JADE2: variants seen among roughly 807,000 people sequenced by gnomAD.
The protein encoded by JADE2 is jade family PHD finger 2, also known as E3 ubiquitin-protein ligase Jade-2.
A neutral mutation model predicts 85.7 loss-of-function variants in JADE2; 13 were observed. That is an observed-to-expected ratio of 0.15 (90% CI 0.10 to 0.24). The LOEUF is 0.24. JADE2 is among the 10% of genes least tolerant of loss of function. JADE2 has a pLI of 1.00. For synonymous variants in JADE2, 440 were observed against 456.1 expected, an observed-to-expected ratio of 0.96 and a Z score of 0.45; for missense variants, 846 against 1,115.9, an observed-to-expected ratio of 0.76 and a Z score of 3.45.
intron 9 of JADE2, among the ~76,000 whole-genome samples, chr5:134,573,263 G>C (rs1264493099): frequency 6.6e-6 from 1 of 152,238 alleles, no homozygotes; most frequent in Non-Finnish European, 1.5e-5. Context: ...TGCGGGCACT[G>C]TGGTTATAAA....
At chr5:134,535,127 C>T (rs1172112147) in intron 1 of JADE2, among the ~76,000 whole-genome samples, 1 of 152,168 alleles carries the variant, frequency 6.6e-6, no homozygotes, top group African/African-American at 2.4e-5. Flanking sequence ...AGGAAGACTC[C>T]GCGTGAGCTC....
intron 2 of JADE2, chr5:134,536,759 C>T (rs1761613427): frequency 6.6e-6 from 1 of 152,558 alleles, no homozygotes. Context: ...TGCTGGAGGC[C>T]CAGGCTAAGG....
In JADE2 at chr5:134,526,344, G is replaced by C. The variant is rs922994823; in HGVS notation, c.-1+333G>C. 38 of 985,184 alleles carry C rather than the reference G, an allele frequency of 3.9e-5. No individual in the cohort carries two copies. The African/African-American group carries it at 5.4e-4, about 14-fold the overall frequency. 61.0% of individuals were successfully genotyped at this position (985,184 alleles called of 1,614,324 possible). ...CGGCAAAGCGCCCCCGGGCCGGCGAGGGGGCGCGGGCGGGCGGGGGCGCGC... is the reference window on the plus strand; with the variant it reads ...CGGCAAAGCGCCCCCGGGCCGGCGACGGGGCGCGGGCGGGCGGGGGCGCGC... On this transcript the variant is annotated intron_variant, in intron 1 of 11. Coordinates refer to ENST00000681547, the MANE Select transcript of JADE2 (RefSeq NM_001388185.1).
chr5:134,537,069 T>C (rs1761636777), intron 2 of JADE2, among the ~76,000 whole-genome samples: 1 of 152,234 alleles, frequency 6.6e-6, no homozygotes, highest in African/African-American at 2.4e-5. Context: ...ATCTGGCCTT[T>C]TGTGGCTACA....
At position 134,582,609 on chromosome 5, in the gene JADE2, C is replaced by G. The variant is rs568100133; in HGVS notation, c.*3292C>G. ...TAGCAAGGCCCTTGGGGAGGGCACT[C>G]TCCCATGCCCTTGGCCTCGCTGGCC... is the stretch of plus-strand genomic sequence containing the variant. On this transcript the variant is annotated 3_prime_UTR_variant, in exon 12 of 12. Transcript: ENST00000681547. 6.5e-6 allele frequency: 1 copy of G among 152,768 alleles called. No individual in the cohort carries two copies. The highest frequency in any genetic ancestry group is 1.9e-4 in the East Asian group (1 of 5,188). The allele number at this position is 152,768 out of a possible 1,614,324, so 9.5% of individuals were successfully genotyped here. A position where few individuals can be genotyped will look rare whatever the true frequency, so the allele number is the denominator to read the frequency against.
In JADE2 at chr5:134,525,950, C is replaced by A; in HGVS notation, c.-62C>A. 1.0e-6 allele frequency: 1 copy of A among 986,108 alleles called. No homozygotes were observed. The highest frequency in any genetic ancestry group is 4.7e-5 in the South Asian group (1 of 21,306). The allele number at this position is 986,108 out of a possible 1,614,324, so 61.1% of individuals were successfully genotyped here. ...CGGCTTCGGGAGCATCCTTCCCGCG[C>A]CGGTCCCTGCAGCGGCGCGTAGCCG... On this transcript the variant is annotated 5_prime_UTR_variant, in exon 1 of 12. Transcript: ENST00000681547.
At chr5:134,577,036 C>T in intron 11 of JADE2, 140 bp downstream of exon 11, 1 of 918,128 alleles carries the variant, frequency 1.1e-6, no homozygotes, top group Non-Finnish European at 1.6e-6. Context: ...CTTGCTTGCC[C>T]AGGTGCACAC....
At chr5:134,554,160 A>G (rs888042781) in intron 4 of JADE2, among the ~76,000 whole-genome samples, 2 of 152,128 alleles carry the variant, frequency 1.3e-5, no homozygotes, top group African/African-American at 4.8e-5. Context: ...ATCTGATTGG[A>G]TCATAGGCAC....
Position 134,578,536 on chromosome 5 carries a change from A to G in JADE2, c.1724A>G (p.Asn575Ser), listed in dbSNP as rs1349073484. The change falls in exon 12 of 12, where the codon AAC (asparagine) becomes AGC (serine). Residue 575 changes from asparagine (N) to serine (S), a missense_variant. This residue lies in a region of JADE2 where 119 missense variants were observed against 163.9 expected (regional missense o/e 0.73). Coordinates refer to ENST00000681547, the MANE Select transcript of JADE2 (RefSeq NM_001388185.1). This position sits in a 1 kb window ranked among gnomAD's most constrained non-coding sequence, Gnocchi z 4.4. ...TTCCCCATCGATGGCACCTTCTTCA[A>G]CAGCTGGCTGGCACAGTCGGTGCAG... is the stretch of plus-strand genomic sequence containing the variant. The part of the protein sequence containing the change: ...TSFPIDGTFF[N>S]SWLAQSVQIT... The G allele has an allele frequency of 3.1e-6, 5 of 1,602,460 alleles. No individual in the cohort carries two copies. Among genetic ancestry groups the G allele is most frequent in the African/African-American group, 1.3e-5 (1 of 74,812 alleles).
Position 134,566,038 on chromosome 5 carries a change from C to A in JADE2, c.970-78C>A. On this transcript the variant is annotated intron_variant, in intron 8 of 11. Transcript: ENST00000681547. The surrounding 1 kb of genome is among the most constrained non-coding windows in gnomAD (Gnocchi z 6.7). ...CAGCATTGCGCATTCTCAGTAGAGC[C>A]CTGGGGGAAGCCCCTCTGTCTTCTC... 7.9e-7 allele frequency: 1 copy of A among 1,260,960 alleles called. No individual in the cohort carries two copies. The highest frequency in any genetic ancestry group is 1.1e-6 in the Non-Finnish European group (1 of 883,416). 78.1% of individuals were successfully genotyped at this position (1,260,960 alleles called of 1,614,324 possible). A position where few individuals can be genotyped will look rare whatever the true frequency, so the allele number is the denominator to read the frequency against.
intron 3 of JADE2, among the ~76,000 whole-genome samples, chr5:134,545,296 G>T (rs2149909048): frequency 6.6e-6 from 1 of 152,312 alleles, no homozygotes; most frequent in East Asian, 1.9e-4. Flanking sequence ...CAGCTGGAAG[G>T]GCCTCCTGGC....
chr5:134,533,554 A>C, intron 1 of JADE2: 1 of 985,208 alleles, frequency 1.0e-6, no homozygotes, highest in East Asian at 1.1e-4. Flanking sequence ...AAATGAAGAG[A>C]AATGGAATTC....
At chr5:134,549,245 C>T (rs188267156) in intron 3 of JADE2, among the ~76,000 whole-genome samples, 78 of 152,190 alleles carry the variant, frequency 5.1e-4, no homozygotes, top group African/African-American at 1.7e-3. Context: ...AGCCCAGGGC[C>T]GGGCGCGGTG....
intron 9 of JADE2, among the ~76,000 whole-genome samples, chr5:134,569,986 G>C (rs1035148607): frequency 6.6e-6 from 1 of 152,100 alleles, no homozygotes; most frequent in Non-Finnish European, 1.5e-5. Flanking sequence ...GCAGTCTACT[G>C]CTCTCCCTGC....
chr5:134,565,821 T>C (rs1327154021), intron 8 of JADE2, among the ~76,000 whole-genome samples: 3 of 82,430 alleles, frequency 3.6e-5, no homozygotes, highest in Non-Finnish European at 8.6e-5. Flanking sequence ...AGTGAGACTC[T>C]GTCTCAAAAA....
chr5:134,575,429 G>A (rs1314969647), intron 10 of JADE2: 1 of 152,276 alleles, frequency 6.6e-6, no homozygotes, highest in Non-Finnish European at 1.5e-5. Flanking sequence ...AGAGAAACTG[G>A]AAGGAGGCTG....
At chr5:134,533,227 A>C (rs933518197) in intron 1 of JADE2, among the ~76,000 whole-genome samples, 3 of 152,148 alleles carry the variant, frequency 2.0e-5, no homozygotes, top group African/African-American at 7.2e-5. Flanking sequence ...TGGTATTACT[A>C]TCTGGCACCC....
At chr5:134,550,881 T>C in intron 3 of JADE2, among the ~76,000 whole-genome samples, 1 of 152,188 alleles carries the variant, frequency 6.6e-6, no homozygotes, top group Non-Finnish European at 1.5e-5. Context: ...TCTGAGGGGT[T>C]TGGATGTGCT....
chr5:134,561,016 C>CGTGT, intron 6 of JADE2, 59 bp downstream of exon 6: 7 of 1,478,160 alleles, frequency 4.7e-6, no homozygotes, highest in Non-Finnish European at 6.5e-6. Context: ...TGCCTGGCAG[C>CGTGT]GACCCCCACT....
Sources: gnomAD v4.1 joint callset for allele counts (sites outside exome capture counted in the v4.1 genomes callset) on GRCh38, gnomAD v4.1.1 for gene constraint, gnomAD v4.1.1 regional missense constraint, Gnocchi (gnomAD v3.1) non-coding constraint, MANE v1.5 for transcripts, NCBI Gene and HGNC (gene_info 2026-07-23, HGNC 2026-07-21) for gene names.